The following KIF1A variants were observed in gnomAD, a reference collection of about 807,000 sequenced individuals.
KIF1A encodes kinesin-like protein KIF1A.
A neutral mutation model predicts 227.3 loss-of-function variants in KIF1A; 46 were observed. That is an observed-to-expected ratio of 0.20 (90% CI 0.16 to 0.26). The LOEUF is 0.26. Ranked by LOEUF, KIF1A falls within the 10% of genes least tolerant of loss-of-function variation. The pLI is 1.00. For missense variants in KIF1A, 1,683 were observed against 2,485.9 expected (o/e 0.68, Z 6.87); for synonymous variants, 1,022 against 1,012.8 (o/e 1.01, Z -0.17).
In KIF1A at chr2:240,745,765, T is replaced by G; in HGVS notation, c.3347A>C (p.Glu1116Ala). Reference protein sequence around the residue: ...TVLQASSISAEYADIFCQFNF... With the variant: ...TVLQASSISAAYADIFCQFNF... ...GAACTGGCAGAAGATGTCGGCATAT[T>G]CGGCAGAGATGCTGGACGCCTGCAG... Residue 1116 changes from glutamate (E) to alanine (A), a missense_variant, in exon 31 of 49, where the codon GAA becomes GCA. This residue lies in a region of KIF1A where 759 missense variants were observed against 1,020.2 expected (regional missense o/e 0.74). Coordinates refer to ENST00000498729, the MANE Select transcript of KIF1A (RefSeq NM_001244008.2). 1 of 1,612,730 alleles carries G rather than the reference T, an allele frequency of 6.2e-7. No individual in the cohort carries two copies. Among genetic ancestry groups the G allele is most frequent in the South Asian group, 1.1e-5 (1 of 90,862 alleles).
intron 1 of KIF1A, among the ~76,000 whole-genome samples, chr2:240,807,130 G>GTGTGTATATA (rs1356399506): frequency 6.7e-5 from 8 of 119,490 alleles, no homozygotes; most frequent in East Asian, 2.3e-4. Context: ...GTGTGTGTGT[G>GTGTGTATATA]TATATATATA....
At chr2:240,781,562 C>T (rs1473468513) in intron 10 of KIF1A, among the ~76,000 whole-genome samples, 1 of 151,838 alleles carries the variant, frequency 6.6e-6, no homozygotes, top group Non-Finnish European at 1.5e-5. Context: ...GATCGTTCTC[C>T]GCTTCCTCCC....
chr2:240,811,128 G>C (rs1298778463), intron 1 of KIF1A, among the ~76,000 whole-genome samples: 1 of 152,206 alleles, frequency 6.6e-6, no homozygotes, highest in African/African-American at 2.4e-5. Context: ...TTGGGAGGCC[G>C]AGGTGGGCAG....
intron 1 of KIF1A, among the ~76,000 whole-genome samples, chr2:240,800,534 C>A (rs2056881383): frequency 6.6e-6 from 1 of 152,190 alleles, no homozygotes. Context: ...GGGCAAGAGA[C>A]TGGGAATCTG....
intron 27 of KIF1A, among the ~76,000 whole-genome samples, chr2:240,755,237 G>A (rs1432568729): frequency 6.6e-6 from 1 of 152,250 alleles, no homozygotes; most frequent in African/African-American, 2.4e-5. Flanking sequence ...GCAGAACACA[G>A]GAGGCCAGTG....
At position 240,773,054 on chromosome 2, in the gene KIF1A, G is replaced by A. The variant is rs574683569; in HGVS notation, c.1180+60C>T. ...CAGGAGAGAGGATGTGATGACCTGC[G>A]AGGCCCCTGAGCCTGAGGCCCCACA... is the stretch of plus-strand genomic sequence containing the variant. On this transcript the variant is annotated intron_variant, in intron 13 of 48. Transcript: ENST00000498729. 378 of 1,514,310 alleles carry A rather than the reference G, an allele frequency of 2.5e-4. 2 individuals are homozygous for A. The East Asian group carries it at 8.3e-3, about 33-fold the overall frequency. The allele number at this position is 1,514,310 out of a possible 1,614,324, so 93.8% of individuals were successfully genotyped here. A position where few individuals can be genotyped will look rare whatever the true frequency, so the allele number is the denominator to read the frequency against.
At chr2:240,727,194 C>G (rs2046117727) in intron 38 of KIF1A, among the ~76,000 whole-genome samples, 1 of 152,058 alleles carries the variant, frequency 6.6e-6, no homozygotes, top group African/African-American at 2.4e-5. Flanking sequence ...CAAATGGTGC[C>G]CCAGCTGTCA....
At chr2:240,731,055 G>T (rs1425513175) in intron 38 of KIF1A, among the ~76,000 whole-genome samples, 1 of 152,220 alleles carries the variant, frequency 6.6e-6, no homozygotes, top group Non-Finnish European at 1.5e-5. Flanking sequence ...CAGCTGGGAA[G>T]GCTGATGTTG....
Position 240,793,199 on chromosome 2 carries a change from C to T in KIF1A, c.107-3887G>A, listed in dbSNP as rs1489127398. Among the ~76,000 whole-genome samples the T allele has an allele frequency of 1.3e-5, 2 of 152,208 alleles. No individual in the cohort carries two copies. Among genetic ancestry groups the T allele is most frequent in the African/African-American group, 4.8e-5 (2 of 41,456 alleles). ...GGCTGGGGGCCTGGGTCGCACCCAC[C>T]CTGGGTCCAGATCCCCATCTGTGGG... On this transcript the variant is annotated intron_variant, in intron 2 of 48. Transcript: ENST00000498729. The surrounding 1 kb of genome is among the most constrained non-coding windows in gnomAD (Gnocchi z 4.8).
intron 47 of KIF1A, 87 bp downstream of exon 47, chr2:240,718,919 T>C: frequency 8.8e-7 from 1 of 1,130,734 alleles, no homozygotes; most frequent in South Asian, 1.4e-5. Context: ...GGCCTCCTGC[T>C]CTGACGCAGG....
intron 11 of KIF1A, among the ~76,000 whole-genome samples, 187 bp from the exon 12 acceptor site, chr2:240,774,448 T>C (rs2052486719): frequency 8.3e-6 from 1 of 120,502 alleles, no homozygotes; most frequent in African/African-American, 3.2e-5. Context: ...CTGGCCTTCC[T>C]TGGCTGCTCC....
intron 44 of KIF1A, 106 bp downstream of exon 44, chr2:240,721,701 C>T (rs1295559160): frequency 2.1e-6 from 2 of 930,830 alleles, no homozygotes; most frequent in Non-Finnish European, 3.3e-6. Flanking sequence ...TCCTAGGAAA[C>T]TCTTAACTGC....
rs763305916 is a variant in KIF1A at position 240,726,937 on chromosome 2, G to A, written c.4011C>T (p.Thr1337=). ...GYIHPAQDDR[T]FYQFEAAWDS... is the part of the protein sequence containing the mutation. ...CCCACGCAGCCTCAAATTGGTAAAAGGTCCTGAAAGGAAGCAGAGACAAAG... is the reference window on the plus strand; with the variant it reads ...CCCACGCAGCCTCAAATTGGTAAAAAGTCCTGAAAGGAAGCAGAGACAAAG... Residue 1337 remains threonine, a synonymous_variant, in exon 39 of 49, where the codon ACC becomes ACT. Transcript: ENST00000498729. This position sits in a 1 kb window ranked among gnomAD's most constrained non-coding sequence, Gnocchi z 5.2. 1.9e-6 allele frequency: 3 copies of A among 1,589,970 alleles called. No individual in the cohort carries two copies. Among genetic ancestry groups the A allele is most frequent in the South Asian group, 1.1e-5 (1 of 89,048 alleles).
At chr2:240,772,182 C>T (rs1401183821) in intron 14 of KIF1A, among the ~76,000 whole-genome samples, 1 of 152,210 alleles carries the variant, frequency 6.6e-6, no homozygotes, top group African/African-American at 2.4e-5. Flanking sequence ...GGGGACAGGA[C>T]AGTCCCTCCA....
In KIF1A at chr2:240,772,573, T is replaced by C; in HGVS notation, c.1204A>G (p.Lys402Glu). The change falls in exon 14 of 49, where the codon AAA (lysine) becomes GAA (glutamate). Residue 402 changes from lysine to glutamate, a missense_variant. Coordinates refer to ENST00000498729, the MANE Select transcript of KIF1A (RefSeq NM_001244008.2). ...TDTNTVPGGPKLTNALVGMSP... is the reference protein window; with the variant it reads ...TDTNTVPGGPELTNALVGMSP... Reference sequence around the variant, plus strand: ...GAGCAGCAAAGGGAATACACACATTTGGGTCCTCCAGGCACAGTGTTGGCT... The same window carrying C: ...GAGCAGCAAAGGGAATACACACATTCGGGTCCTCCAGGCACAGTGTTGGCT... 6.5e-7 allele frequency: 1 copy of C among 1,547,880 alleles called. No individual in the cohort carries two copies.
At chr2:240,767,733 G>C (rs2051397285) in intron 17 of KIF1A, among the ~76,000 whole-genome samples, 1 of 152,248 alleles carries the variant, frequency 6.6e-6, no homozygotes, top group Non-Finnish European at 1.5e-5. Flanking sequence ...TTGTCCCATG[G>C]GGTCCTGGGT....
At chr2:240,815,654 T>C (rs1211499419) in intron 1 of KIF1A, among the ~76,000 whole-genome samples, 1 of 152,042 alleles carries the variant, frequency 6.6e-6, no homozygotes, top group Admixed American at 6.5e-5. Context: ...GAGTCTTCAC[T>C]CTGTGTGAGG....
At position 240,772,616 on chromosome 2, in the gene KIF1A, G is replaced by C. The variant is rs1401685854; in HGVS notation, c.1181-20C>G. 3 of 1,528,490 alleles carry C rather than the reference G, an allele frequency of 2.0e-6. No homozygotes were observed. The highest frequency in any genetic ancestry group is 2.7e-6 in the Non-Finnish European group (3 of 1,127,272). 94.7% of individuals were successfully genotyped at this position (1,528,490 alleles called of 1,614,324 possible). ...TGTTGGCTATGGGGGAGGGAAGCGT[G>C]GGGGAGGGGGAGAGACAGAGAAACA... On this transcript the variant is annotated intron_variant, in intron 13 of 48. Transcript: ENST00000498729.
chr2:240,772,548 G>A (rs2052148011), intron 14 of KIF1A, 22 bp downstream of exon 14: 2 of 1,546,566 alleles, frequency 1.3e-6, no homozygotes, highest in South Asian at 1.2e-5. Context: ...GAGATGCAGA[G>A]AGCAGCAAAG....
Sources: allele counts gnomAD v4.1 joint callset (sites outside exome capture counted in the v4.1 genomes callset), GRCh38; gene constraint gnomAD v4.1.1; regional missense constraint gnomAD v4.1.1; non-coding constraint Gnocchi (gnomAD v3.1); transcripts MANE v1.5; gene names NCBI Gene and HGNC (gene_info 2026-07-23, HGNC 2026-07-21).